The following FRY variants were observed in gnomAD, a reference collection of about 807,000 sequenced individuals.
FRY encodes the protein FRY microtubule binding protein, also known as protein furry homolog.
FRY carries 128 observed loss-of-function variants against 348.4 expected under a neutral mutation model. The observed-to-expected ratio is 0.37, with a 90% confidence interval of 0.32 to 0.43. The LOEUF is 0.43. FRY is among the 20% of genes least tolerant of loss of function. FRY has a pLI of 1.00. For synonymous variants in FRY, 1,370 were observed against 1,374.7 expected, an observed-to-expected ratio of 1.00 and a Z score of 0.08; for missense variants, 2,736 against 3,695.2, an observed-to-expected ratio of 0.74 and a Z score of 6.73.
At chr13:32,037,157 A>C (rs773794391) in intron 1 of FRY, among the ~76,000 whole-genome samples, 27 of 152,322 alleles carry the variant, frequency 1.8e-4, no homozygotes, top group Admixed American at 2.6e-4. Flanking sequence ...TGCAAACAAT[A>C]CATAGACAGT....
chr13:32,219,799 C>CA (rs1277771353), intron 36 of FRY, among the ~76,000 whole-genome samples: 2 of 152,044 alleles, frequency 1.3e-5, no homozygotes, highest in African/African-American at 4.8e-5. Flanking sequence ...AACCTTGAAG[C>CA]TTTGAAATGC....
At chr13:32,072,440 T>G (rs952079013) in intron 1 of FRY, among the ~76,000 whole-genome samples, 2 of 152,248 alleles carry the variant, frequency 1.3e-5, no homozygotes, top group Non-Finnish European at 2.9e-5. Flanking sequence ...TGATTTTTTT[T>G]GTCCCAACAT....
intron 55 of FRY, among the ~76,000 whole-genome samples, chr13:32,271,805 T>G (rs1888218017): frequency 6.6e-6 from 1 of 152,146 alleles, no homozygotes; most frequent in South Asian, 2.1e-4. Context: ...AGCAAGGCAG[T>G]GGGTTCAGGT....
intron 47 of FRY, among the ~76,000 whole-genome samples, chr13:32,246,764 C>T (rs951185593): frequency 6.6e-6 from 1 of 152,120 alleles, no homozygotes; most frequent in Admixed American, 6.5e-5. Flanking sequence ...GCAGGAATGC[C>T]GTGGAGGGAA....
rs1480917042 is a variant in FRY, at chr13:32,231,187, G to A, written c.5414G>A (p.Gly1805Asp). The A allele has an allele frequency of 6.2e-7, 1 of 1,613,444 alleles. No homozygotes were observed. Among genetic ancestry groups the A allele is most frequent in the African/African-American group, 1.3e-5 (1 of 74,976 alleles). Residue 1805 changes from glycine to aspartate, a missense_variant, in exon 41 of 61, where the codon GGT becomes GAT. Physicochemically the swap from Gly to Asp is moderately conservative, Grantham distance 94. Transcript: ENST00000542859. ...LIEFLTTRAFGPLWCHEDITP... is the reference protein window; with the variant it reads ...LIEFLTTRAFDPLWCHEDITP... ...TGTGTGTTTTGTTTAAGGGCATTTG[G>A]TCCACTTTGGTGCCATGAAGACATC...
At chr13:32,125,794 G>A (rs1454833764) in intron 7 of FRY, among the ~76,000 whole-genome samples, 1 of 152,156 alleles carries the variant, frequency 6.6e-6, no homozygotes, top group Non-Finnish European at 1.5e-5. Flanking sequence ...ATCTAATCCA[G>A]TTTATCTACT....
chr13:32,256,785 C>T (rs1887361773), intron 51 of FRY, among the ~76,000 whole-genome samples: 1 of 152,138 alleles, frequency 6.6e-6, no homozygotes, highest in South Asian at 2.1e-4. Flanking sequence ...TCTTGCTTTC[C>T]ACTTCTTTGT....
At position 32,239,970 on chromosome 13, in the gene FRY, C is replaced by T; in HGVS notation, c.6687+89C>T. The T allele has an allele frequency of 1.8e-6, 2 of 1,106,372 alleles. No homozygotes were observed. The highest frequency in any genetic ancestry group is 2.7e-6 in the Non-Finnish European group (2 of 750,870). The allele number at this position is 1,106,372 out of a possible 1,614,324, so 68.5% of individuals were successfully genotyped here. ...TCTTGGGCTCAAGCAGTCCTCCTGC[C>T]TTCGCCTCCCAGAGTGCTAGGATTA... On this transcript the variant is annotated intron_variant, in intron 46 of 60. Coordinates refer to ENST00000542859, the MANE Select transcript of FRY (RefSeq NM_023037.3). This position sits in a 1 kb window ranked among gnomAD's most constrained non-coding sequence, Gnocchi z 4.3.
chr13:32,233,349 C>G (rs943633624), intron 41 of FRY, among the ~76,000 whole-genome samples: 6 of 152,190 alleles, frequency 3.9e-5, no homozygotes, highest in Non-Finnish European at 7.3e-5. Context: ...TCATTCAGTC[C>G]TCCTACCCTT....
Position 32,261,599 on chromosome 13 carries a change from T to A in FRY, c.7417-17T>A. The A allele has an allele frequency of 6.2e-7, 1 of 1,611,750 alleles. No individual in the cohort carries two copies. The highest frequency in any genetic ancestry group is 8.5e-7 in the Non-Finnish European group (1 of 1,177,788). On this transcript the variant is annotated splice_polypyrimidine_tract_variant and intron_variant, in intron 51 of 60. Coordinates refer to ENST00000542859, the MANE Select transcript of FRY (RefSeq NM_023037.3). ...GAGGATTTTGGCATAAAAAACCGGC[T>A]GATGGTGTGATTTCAGGGTGAGAGT...
intron 60 of FRY, 82 bp downstream of exon 60, chr13:32,294,652 C>G (rs1889542155): frequency 9.9e-7 from 1 of 1,005,670 alleles, no homozygotes; most frequent in Admixed American, 1.8e-5. Flanking sequence ...GTCTAGCCCA[C>G]TACGGAAGGC....
intron 23 of FRY, among the ~76,000 whole-genome samples, chr13:32,181,142 G>A (rs976421677): frequency 4.6e-5 from 7 of 151,094 alleles, no homozygotes; most frequent in Non-Finnish European, 7.4e-5. Context: ...TGCCCACCCC[G>A]GCCTCCCAAA....
intron 55 of FRY, among the ~76,000 whole-genome samples, chr13:32,267,940 G>A (rs1337792283): frequency 1.3e-5 from 2 of 152,176 alleles, no homozygotes; most frequent in Non-Finnish European, 1.5e-5. Context: ...TCTAACTACT[G>A]CCTCTCCCGT....
At chr13:32,034,570 G>T (rs140453183) in intron 1 of FRY, among the ~76,000 whole-genome samples, 1,655 of 152,270 alleles carry the variant, frequency 0.011, 16 homozygotes, top group Non-Finnish European at 0.016. Flanking sequence ...GCTCTTCCCT[G>T]CTCTTATCCA....
chr13:32,189,279 C>G (rs576774709), intron 28 of FRY, among the ~76,000 whole-genome samples: 1 of 152,080 alleles, frequency 6.6e-6, no homozygotes, highest in African/African-American at 2.4e-5. Flanking sequence ...GTGCCTCAAA[C>G]TAAATTCTGT....
chr13:32,288,739 C>T (rs1889193237), intron 58 of FRY, among the ~76,000 whole-genome samples: 1 of 152,214 alleles, frequency 6.6e-6, no homozygotes, highest in Admixed American at 6.5e-5. Flanking sequence ...AATCCACTTT[C>T]ACTGGTGACT....
At chr13:32,073,263 T>A (rs1874789644) in intron 1 of FRY, among the ~76,000 whole-genome samples, 1 of 152,166 alleles carries the variant, frequency 6.6e-6, no homozygotes, top group South Asian at 2.1e-4. Flanking sequence ...TGGTTAAAAT[T>A]CTCATCTCCA....
At chr13:32,089,815 G>A (rs905798311) in intron 2 of FRY, among the ~76,000 whole-genome samples, 18 of 152,130 alleles carry the variant, frequency 1.2e-4, no homozygotes, top group Admixed American at 6.5e-5. Flanking sequence ...AGAACAGATG[G>A]GAGGTGGAGG....
chr13:32,244,213 C>A, intron 47 of FRY, 31 bp downstream of exon 47: 1 of 1,602,630 alleles, frequency 6.2e-7, no homozygotes, highest in Non-Finnish European at 8.5e-7. Flanking sequence ...ACTAAGCAAC[C>A]AGTCGTTCTA....
Sources: allele counts gnomAD v4.1 joint callset (sites outside exome capture counted in the v4.1 genomes callset), GRCh38; gene constraint gnomAD v4.1.1; non-coding constraint Gnocchi (gnomAD v3.1); transcripts MANE v1.5; gene names NCBI Gene and HGNC (gene_info 2026-07-23, HGNC 2026-07-21).